The following RNF214 variants were observed in gnomAD, a reference collection of about 807,000 sequenced individuals.
RNF214 encodes ring finger protein 214.
In RNF214, 25 loss-of-function variants were observed where a neutral mutation model predicts 75.9. The observed-to-expected ratio is 0.33, with a 90% CI of 0.24 to 0.46. RNF214 has a LOEUF of 0.46. RNF214 is among the 20% of genes least tolerant of loss of function. The pLI is 1.00. For missense variants in RNF214, 725 were observed against 857.5 expected (o/e 0.85, Z 1.93); for synonymous variants, 314 against 308.8 (o/e 1.02, Z -0.18).
chr11:117,262,705 C>CATTTT, intron 6 of RNF214, among the ~76,000 whole-genome samples: 2 of 80,640 alleles, frequency 2.5e-5, no homozygotes, highest in African/African-American at 1.3e-4. Flanking sequence ...TATTGAGGAA[C>CATTTT]GTTGTGTGTG....
intron 6 of RNF214, among the ~76,000 whole-genome samples, chr11:117,266,448 C>G (rs1460960739): frequency 6.6e-6 from 1 of 152,108 alleles, no homozygotes; most frequent in African/African-American, 2.4e-5. Context: ...CAACCTCTGC[C>G]TTCCAGGCTT....
chr11:117,258,581 A>G (rs1189107880), intron 6 of RNF214, among the ~76,000 whole-genome samples: 1 of 152,154 alleles, frequency 6.6e-6, no homozygotes, highest in Admixed American at 6.5e-5. Flanking sequence ...GCAGTTAAAT[A>G]TACAAATCTT....
At chr11:117,259,810 A>G (rs1471274173) in intron 6 of RNF214, among the ~76,000 whole-genome samples, 2 of 151,836 alleles carry the variant, frequency 1.3e-5, no homozygotes, top group African/African-American at 2.4e-5. Context: ...TTCTTTTTGT[A>G]TTTTGAATAT....
In RNF214 at chr11:117,234,285, G is replaced by C. The variant is rs764897950; in HGVS notation, c.13G>C (p.Glu5Gln). Reference sequence around the variant, plus strand: ...TGTACAGAGCATAATGGCAGCGTCTGAGGTTGCTGGTGTTGTGGCCAATGC... The same window carrying C: ...TGTACAGAGCATAATGGCAGCGTCTCAGGTTGCTGGTGTTGTGGCCAATGC... MAAS[E>Q]VAGVVANAPS... The change falls in exon 2 of 15, where the codon GAG (glutamate) becomes CAG (glutamine). Residue 5 changes from glutamate to glutamine, a missense_variant. Glu to Gln is a conservative substitution (Grantham distance 29). This residue lies in a region of RNF214 where 362 missense variants were observed against 344.5 expected (regional missense o/e 1.05). Transcript: ENST00000300650. The C allele has an allele frequency of 6.2e-7, 1 of 1,613,958 alleles. No homozygotes were observed. The highest frequency in any genetic ancestry group is 8.5e-7 in the Non-Finnish European group (1 of 1,179,776).
chr11:117,242,095 G>A (rs2033096655), intron 4 of RNF214, among the ~76,000 whole-genome samples: 1 of 152,002 alleles, frequency 6.6e-6, no homozygotes, highest in African/African-American at 2.4e-5. Context: ...TGAAGAGAAC[G>A]TCACACTTAC....
intron 4 of RNF214, among the ~76,000 whole-genome samples, chr11:117,242,315 G>A (rs767607500): frequency 2.6e-5 from 4 of 152,118 alleles, no homozygotes; most frequent in Non-Finnish European, 5.9e-5. Context: ...ATAAGAGAGT[G>A]GATATTTGGT....
chr11:117,269,277 A>G (rs1038962641), intron 6 of RNF214, among the ~76,000 whole-genome samples: 1 of 152,298 alleles, frequency 6.6e-6, no homozygotes, highest in Middle Eastern at 3.4e-3. Flanking sequence ...GAATGAACCT[A>G]AACAACAATG....
chr11:117,281,766 G>C lies in RNF214; in HGVS notation c.1335+68G>C, dbSNP rs996485217. 3.3e-6 allele frequency: 5 copies of C among 1,506,958 alleles called. No individual in the cohort carries two copies. In the Admixed American group the frequency reaches 6.8e-5, roughly 21 times the overall value. The allele number at this position is 1,506,958 out of a possible 1,614,324, so 93.3% of individuals were successfully genotyped here. On this transcript the variant is annotated intron_variant, in intron 10 of 14. Transcript: ENST00000300650. ...GTAGCAGCAGCAGAGTCTTCTGCGTGTTCTTTTTATGAAGATATTGGGACC... is the reference window on the plus strand; with the variant it reads ...GTAGCAGCAGCAGAGTCTTCTGCGTCTTCTTTTTATGAAGATATTGGGACC...
At chr11:117,262,890 G>A (rs1224368356) in intron 6 of RNF214, among the ~76,000 whole-genome samples, 1 of 152,006 alleles carries the variant, frequency 6.6e-6, no homozygotes, top group Non-Finnish European at 1.5e-5. Context: ...GCTCACTGCA[G>A]CTTCAACCCG....
intron 2 of RNF214, among the ~76,000 whole-genome samples, chr11:117,235,247 A>C (rs2032869768): frequency 1.3e-5 from 2 of 152,080 alleles, no homozygotes; most frequent in African/African-American, 4.8e-5. Flanking sequence ...CCCAGGCTGG[A>C]GTGCAGTGGC....
At chr11:117,279,788 T>TA (rs2034090691) in intron 6 of RNF214, 120 bp from the exon 7 acceptor site, 2 of 618,408 alleles carry the variant, frequency 3.2e-6, no homozygotes, top group Non-Finnish European at 5.7e-6. Context: ...AGTTAATACT[T>TA]AGAGTAAGAC....
rs369201312 is a variant in RNF214 at position 117,238,872 on chromosome 11, A to G, written c.379A>G (p.Ser127Gly). The change falls in exon 3 of 15, where the codon AGC becomes GGC. Residue 127 changes from serine to glycine, a missense_variant. Ser to Gly is a moderately conservative substitution (Grantham distance 56). This residue lies in a region of RNF214 where 362 missense variants were observed against 344.5 expected (regional missense o/e 1.05). Coordinates refer to ENST00000300650, the MANE Select transcript of RNF214 (RefSeq NM_207343.4). ...GGAGGGGGACACAAGCCTTCGGGAGAGCCTCCATCCAGTCACTCGGTCTCT... is the reference window on the plus strand; with the variant it reads ...GGAGGGGGACACAAGCCTTCGGGAGGGCCTCCATCCAGTCACTCGGTCTCT... ...GEEGDTSLRESLHPVTRSLKA... is the reference protein window; with the variant it reads ...GEEGDTSLREGLHPVTRSLKA... 1.4e-5 allele frequency: 22 copies of G among 1,614,012 alleles called. No individual in the cohort carries two copies. The highest frequency in any genetic ancestry group is 1.9e-5 in the Non-Finnish European group (22 of 1,180,036).
rs2033469474 is a variant in RNF214, at chr11:117,254,276, T to C, written c.959+7328T>C. Reference sequence around the variant, plus strand: ...AGAAAAAAAAAAACAAAGTGCATGCTAAATTAAAATTGAGGCCAGGCAAGG... The same window carrying C: ...AGAAAAAAAAAAACAAAGTGCATGCCAAATTAAAATTGAGGCCAGGCAAGG... On this transcript the variant is annotated intron_variant, in intron 6 of 14. Coordinates refer to ENST00000300650, the MANE Select transcript of RNF214 (RefSeq NM_207343.4). 2.0e-5 allele frequency among the ~76,000 whole-genome samples: 3 copies of C among 151,934 alleles called. No individual in the cohort carries two copies. The South Asian group carries it at 6.2e-4, about 32-fold the overall frequency.
chr11:117,240,792 A>G (rs1002316802), intron 4 of RNF214, among the ~76,000 whole-genome samples: 1 of 152,208 alleles, frequency 6.6e-6, no homozygotes, highest in African/African-American at 2.4e-5. Context: ...CTGTAATCCT[A>G]GCACTTTCAG....
At position 117,232,676 on chromosome 11, in the gene RNF214, A is replaced by C. The variant is rs1457176689; in HGVS notation, c.-57A>C. 3 of 144,946 alleles carry C rather than the reference A, an allele frequency of 2.1e-5. No individual in the cohort carries two copies. Among genetic ancestry groups the C allele is most frequent in the Admixed American group, 6.8e-5 (1 of 14,770 alleles). The allele number at this position is 144,946 out of a possible 1,614,324, so 9.0% of individuals were successfully genotyped here. ...GGTGCCGCGCGCGGGCCGGCGCTCG[A>C]CCCCTCCCCCCGTGGCTCGGCCGCC... On this transcript the variant is annotated 5_prime_UTR_variant, in exon 1 of 15. Transcript: ENST00000300650.
At chr11:117,261,642 TTTAA>T (rs764365426) in intron 6 of RNF214, among the ~76,000 whole-genome samples, 2 of 152,142 alleles carry the variant, frequency 1.3e-5, no homozygotes, top group South Asian at 2.1e-4. Context: ...CTTTATTTTA[TTTAA>T]TTAATTTTTG....
chr11:117,282,322 G>C (rs778548182), intron 11 of RNF214, 52 bp downstream of exon 11: 6 of 1,583,958 alleles, frequency 3.8e-6, no homozygotes, highest in Non-Finnish European at 5.2e-6. Context: ...AAATGCTTAT[G>C]GGTTAAAACA....
chr11:117,252,023 C>T (rs1051499777), intron 6 of RNF214, among the ~76,000 whole-genome samples: 2 of 152,128 alleles, frequency 1.3e-5, no homozygotes, highest in African/African-American at 2.4e-5. Context: ...CCTGTGCCAC[C>T]ACGCCCGACT....
At chr11:117,279,789 A>C (rs2034090650) in intron 6 of RNF214, 119 bp from the exon 7 acceptor site, 2 of 619,022 alleles carry the variant, frequency 3.2e-6, no homozygotes, top group Non-Finnish European at 5.7e-6. Flanking sequence ...GTTAATACTT[A>C]GAGTAAGACT....
Sources: allele counts gnomAD v4.1 joint callset (sites outside exome capture counted in the v4.1 genomes callset), GRCh38; gene constraint gnomAD v4.1.1; regional missense constraint gnomAD v4.1.1; transcripts MANE v1.5; gene names NCBI Gene and HGNC (gene_info 2026-07-23, HGNC 2026-07-21).